Variants in DHFR2 observed in about 807,000 individuals in gnomAD.
DHFR2 encodes dihydrofolate reductase 2, mitochondrial.
Under a neutral mutation model 12.0 loss-of-function variants are expected in DHFR2, and 11 were observed. The observed-to-expected ratio is 0.92, with a 90% CI of 0.58 to 1.52. DHFR2 has a LOEUF of 1.52. Among genes scored for constraint, DHFR2 ranks in the 40% most tolerant of loss-of-function variants. DHFR2 has a pLI of 0.00. For missense variants in DHFR2, 188 were observed against 221.2 expected (o/e 0.85, Z 0.95); for synonymous variants, 87 against 79.6 (o/e 1.09, Z -0.49).
upstream of DHFR2, chr3:94,062,960 T>C: frequency 1.4e-6 from 1 of 718,448 alleles, no homozygotes; most frequent in Non-Finnish European, 2.4e-6. Context: ...TCGACAAGAA[T>C]TCTATAGCGC....
At position 94,060,911 on chromosome 3, in the gene DHFR2, G is replaced by A. The variant is rs2077169210; in HGVS notation, c.*37C>T. 2 of 1,598,032 alleles carry A rather than the reference G, an allele frequency of 1.3e-6. No homozygotes were observed. The highest frequency in any genetic ancestry group is 1.1e-5 in the South Asian group (1 of 88,408). On this transcript the variant is annotated 3_prime_UTR_variant, in exon 2 of 2. Transcript: ENST00000314636. ...GTAAAAATGCATACTTTTCTCAGAG[G>A]GAGGGGGAACAACTTAAACCAGAAA...
upstream of DHFR2, chr3:94,063,096 C>T (rs1281051913): frequency 1.9e-6 from 3 of 1,613,820 alleles, no homozygotes; most frequent in Admixed American, 1.7e-5. Context: ...GATTCGCGTA[C>T]ACCTGTTGTT....
At position 94,062,781 on chromosome 3, in the gene DHFR2, G is replaced by T; in HGVS notation, c.-131C>A. The T allele has an allele frequency of 3.3e-6, 1 of 306,316 alleles. No homozygotes were observed. The highest frequency in any genetic ancestry group is 5.3e-5 in the South Asian group (1 of 18,792). The allele number at this position is 306,316 out of a possible 1,614,324, so 19.0% of individuals were successfully genotyped here. ...GCAGAAGCAGGGGCCGCACAGGCGC[G>T]CAGATGTGTGACTTTCTAAGGTCCG... On this transcript the variant is annotated 5_prime_UTR_variant, in exon 1 of 2. Transcript: ENST00000314636.
At chr3:94,063,034 A>G (rs1474289915), upstream of DHFR2, 1 of 1,399,026 alleles carries the variant, frequency 7.1e-7, no homozygotes, top group Non-Finnish European at 1.0e-6. Flanking sequence ...GATGCCCGCG[A>G]ATCCCGGAAG....
Position 94,061,570 on chromosome 3 carries a change from T to C in DHFR2, c.-59A>G. Reference sequence around the variant, plus strand: ...CTACGCCAGGAAGCCAGGCCAAGAATGCCGCGAAATTCCCTTCTTCAAATT... The same window carrying C: ...CTACGCCAGGAAGCCAGGCCAAGAACGCCGCGAAATTCCCTTCTTCAAATT... On this transcript the variant is annotated 5_prime_UTR_variant, in exon 2 of 2. Coordinates refer to ENST00000314636, the MANE Select transcript of DHFR2 (RefSeq NM_176815.5). 1 of 1,602,766 alleles carries C rather than the reference T, an allele frequency of 6.2e-7. No individual in the cohort carries two copies. The highest frequency in any genetic ancestry group is 8.5e-7 in the Non-Finnish European group (1 of 1,173,820).
chr3:94,058,035 C>T lies in DHFR2; in HGVS notation c.*2913G>A, dbSNP rs543633853. 6.8e-4 allele frequency: 103 copies of T among 152,058 alleles called. No individual in the cohort carries two copies. The highest frequency in any genetic ancestry group is 2.3e-3 in the African/African-American group (95 of 41,492). The allele number at this position is 152,058 out of a possible 1,614,324, so 9.4% of individuals were successfully genotyped here. A position where few individuals can be genotyped will look rare whatever the true frequency, so the allele number is the denominator to read the frequency against. ...AGTATAACACATTGCCTTTCTCTAA[C>T]AGAAATAAACTATGATTCTTATTAC... On this transcript the variant is annotated 3_prime_UTR_variant, in exon 2 of 2. Transcript: ENST00000314636.
rs2077168906 is a variant in DHFR2 at position 94,060,869 on chromosome 3, A to C, written c.*79T>G. The C allele has an allele frequency of 6.7e-7, 1 of 1,487,940 alleles. No homozygotes were observed. Among genetic ancestry groups the C allele is most frequent in the African/African-American group, 1.4e-5 (1 of 71,116 alleles). The allele number at this position is 1,487,940 out of a possible 1,614,324, so 92.2% of individuals were successfully genotyped here. On this transcript the variant is annotated 3_prime_UTR_variant, in exon 2 of 2. Coordinates refer to ENST00000314636, the MANE Select transcript of DHFR2 (RefSeq NM_176815.5). The stretch of plus-strand genomic sequence containing the variant: ...ATTATCCATAGATCTGAAGTCAACA[A>C]AAGTCCCTTTTCTAATGTAAAAATG...
chr3:94,058,593 TCAC>T lies in DHFR2; in HGVS notation c.*2352_*2354del, dbSNP rs1163028016. 2 of 152,714 alleles carry T rather than the reference TCAC, an allele frequency of 1.3e-5. No homozygotes were observed. Among genetic ancestry groups the T allele is most frequent in the Non-Finnish European group, 2.9e-5 (2 of 68,432 alleles). 9.5% of individuals were successfully genotyped at this position (152,714 alleles called of 1,614,324 possible). A position where few individuals can be genotyped will look rare whatever the true frequency, so the allele number is the denominator to read the frequency against. On this transcript the variant is annotated 3_prime_UTR_variant, in exon 2 of 2. Coordinates refer to ENST00000314636, the MANE Select transcript of DHFR2 (RefSeq NM_176815.5). ...CCAGATTTAGGGGCTAAGCAGTCAG[TCAC>T]CACATCATTATGACTATGTACATAT...
rs2077170121 is a variant in DHFR2, at chr3:94,061,027, T to A, written c.485A>T (p.Glu162Val). The change falls in exon 2 of 2, where the codon GAA becomes GTA. Residue 162 changes from glutamate (E) to valine (V), a missense_variant. Glu to Val is a moderately radical substitution (Grantham distance 121). Coordinates refer to ENST00000314636, the MANE Select transcript of DHFR2 (RefSeq NM_176815.5). Reference sequence around the variant, plus strand: ...GACATCAGAGAGAACACCTGGGTATTCAGGCAGAAGTTTATATTTCTCCAA... The same window carrying A: ...GACATCAGAGAGAACACCTGGGTATACAGGCAGAAGTTTATATTTCTCCAA... ...IDLEKYKLLP[E>V]YPGVLSDVQE... is the part of the protein sequence containing the mutation. 1.2e-6 allele frequency: 2 copies of A among 1,613,814 alleles called. No homozygotes were observed. The highest frequency in any genetic ancestry group is 1.3e-5 in the African/African-American group (1 of 74,894).
rs902978408 is a variant in DHFR2, at chr3:94,060,563, T to C, written c.*385A>G. On this transcript the variant is annotated 3_prime_UTR_variant, in exon 2 of 2. Coordinates refer to ENST00000314636, the MANE Select transcript of DHFR2 (RefSeq NM_176815.5). Reference sequence around the variant, plus strand: ...ACATTTGTCTACAAACCTCTGGATATACATGTACGAAGCTTTTGGTATTTC... The same window carrying C: ...ACATTTGTCTACAAACCTCTGGATACACATGTACGAAGCTTTTGGTATTTC... 2.0e-5 allele frequency: 4 copies of C among 199,728 alleles called. No homozygotes were observed. The highest frequency in any genetic ancestry group is 7.0e-5 in the African/African-American group (3 of 42,732). The allele number at this position is 199,728 out of a possible 1,614,324, so 12.4% of individuals were successfully genotyped here.
chr3:94,060,031 G>C lies in DHFR2; in HGVS notation c.*917C>G, dbSNP rs1001646443. 3 of 151,448 alleles carry C rather than the reference G, an allele frequency of 2.0e-5. No homozygotes were observed. The highest frequency in any genetic ancestry group is 7.3e-5 in the African/African-American group (3 of 41,138). 9.4% of individuals were successfully genotyped at this position (151,448 alleles called of 1,614,324 possible). A position where few individuals can be genotyped will look rare whatever the true frequency, so the allele number is the denominator to read the frequency against. On this transcript the variant is annotated 3_prime_UTR_variant, in exon 2 of 2. Coordinates refer to ENST00000314636, the MANE Select transcript of DHFR2 (RefSeq NM_176815.5). ...AAGGTTGTTCCATTGCACTCCGCCT[G>C]GGCAACAAGAGTGAAATTCTGTCTT...
At chr3:94,063,150 G>A, upstream of DHFR2, 1 of 1,613,936 alleles carries the variant, frequency 6.2e-7, no homozygotes. Context: ...TGAGACCTGG[G>A]GCCCGGCTGG....
rs1220109090 is a variant in DHFR2 at position 94,060,897 on chromosome 3, T to C, written c.*51A>G. The stretch of plus-strand genomic sequence containing the variant: ...GTCCCTTTTCTAATGTAAAAATGCA[T>C]ACTTTTCTCAGAGGGAGGGGGAACA... On this transcript the variant is annotated 3_prime_UTR_variant, in exon 2 of 2. Coordinates refer to ENST00000314636, the MANE Select transcript of DHFR2 (RefSeq NM_176815.5). 6.4e-7 allele frequency: 1 copy of C among 1,573,886 alleles called. No homozygotes were observed. The highest frequency in any genetic ancestry group is 8.6e-7 in the Non-Finnish European group (1 of 1,159,382).
At chr3:94,062,725 C>A (rs1053031490) in intron 1 of DHFR2, 21 bp downstream of exon 1, 6 of 257,084 alleles carry the variant, frequency 2.3e-5, no homozygotes. Flanking sequence ...CCTCAAACTT[C>A]TGCCCAAGCG....
At chr3:94,062,344 T>C (rs1043349039) in intron 1 of DHFR2, among the ~76,000 whole-genome samples, 27 of 152,300 alleles carry the variant, frequency 1.8e-4, no homozygotes, top group African/African-American at 6.0e-4. Context: ...ATCACTGTTG[T>C]AACCGCTTTA....
chr3:94,063,040 G>A, upstream of DHFR2: 1 of 1,465,120 alleles, frequency 6.8e-7, no homozygotes, highest in Non-Finnish European at 9.6e-7. Context: ...CGCGAATCCC[G>A]GAAGTCAGAC....
chr3:94,059,026 C>G lies in DHFR2; in HGVS notation c.*1922G>C, dbSNP rs2077158996. ...CTATTTGCTGGATCCACGTCATTCT[C>G]TGGTTTGTGTACGCCTTCATTTTGC... is the stretch of plus-strand genomic sequence containing the variant. On this transcript the variant is annotated 3_prime_UTR_variant, in exon 2 of 2. Transcript: ENST00000314636. 6.6e-6 allele frequency: 1 copy of G among 152,446 alleles called. No homozygotes were observed. Among genetic ancestry groups the G allele is most frequent in the Admixed American group, 6.5e-5 (1 of 15,288 alleles). The allele number at this position is 152,446 out of a possible 1,614,324, so 9.4% of individuals were successfully genotyped here. A position where few individuals can be genotyped will look rare whatever the true frequency, so the allele number is the denominator to read the frequency against.
chr3:94,063,049 A>G, upstream of DHFR2: 7 of 1,527,892 alleles, frequency 4.6e-6, no homozygotes, highest in Non-Finnish European at 6.3e-6. Flanking sequence ...CGGAAGTCAG[A>G]CTGTTTTTTT....
chr3:94,060,830 GT>G lies in DHFR2; in HGVS notation c.*117del. On this transcript the variant is annotated 3_prime_UTR_variant, in exon 2 of 2. Coordinates refer to ENST00000314636, the MANE Select transcript of DHFR2 (RefSeq NM_176815.5). ...CAAGATTAGTGAGGAATAAAAACAC[GT>G]TGCTTAGAAATAATTATCCATAGAT... is the stretch of plus-strand genomic sequence containing the variant. 8.7e-7 allele frequency: 1 copy of G among 1,151,716 alleles called. No individual in the cohort carries two copies. Among genetic ancestry groups the G allele is most frequent in the Non-Finnish European group, 1.2e-6 (1 of 820,366 alleles). The allele number at this position is 1,151,716 out of a possible 1,614,324, so 71.3% of individuals were successfully genotyped here.
Sources: allele counts gnomAD v4.1 joint callset (sites outside exome capture counted in the v4.1 genomes callset), GRCh38; gene constraint gnomAD v4.1.1; transcripts MANE v1.5; gene names NCBI Gene and HGNC (gene_info 2026-07-23, HGNC 2026-07-21).